Variants in VSTM2B observed in about 807,000 individuals in gnomAD.
VSTM2B encodes the protein V-set and transmembrane domain-containing protein 2B.
Under a neutral mutation model 24.0 loss-of-function variants are expected in VSTM2B, and 24 were observed. The ratio of observed to expected loss-of-function variants is 1.00; its 90% CI spans 0.72 to 1.40. The LOEUF is 1.40. Ranked by LOEUF, VSTM2B falls within the 40% of genes most tolerant of loss-of-function variation. The pLI is 0.00. For synonymous variants in VSTM2B, 226 were observed against 194.4 expected (o/e 1.16, Z -1.35); for missense variants, 399 against 416.4 (o/e 0.96, Z 0.36).
At chr19:29,535,307 A>T (rs1018535774) in intron 4 of VSTM2B, among the ~76,000 whole-genome samples, 4 of 152,236 alleles carry the variant, frequency 2.6e-5, no homozygotes, top group Non-Finnish European at 5.9e-5. Context: ...GCACCGCAGT[A>T]AAGTCTAGCG....
Position 29,533,949 on chromosome 19 carries a change from C to T in VSTM2B, c.769+3659C>T, listed in dbSNP as rs369800115. Among the ~76,000 whole-genome samples the T allele has an allele frequency of 3.0e-3, 455 of 152,312 alleles. 4 individuals carry two copies. Among genetic ancestry groups the T allele is most frequent in the African/African-American group, 0.01 (434 of 41,564 alleles). On this transcript the variant is annotated intron_variant, in intron 4 of 4. Transcript: ENST00000335523. ...CTCCCAGCCACTCAATTCTAGGCAGCTTGATGGGGAGGGGTCCAGAAAGGA... is the reference window on the plus strand; with the variant it reads ...CTCCCAGCCACTCAATTCTAGGCAGTTTGATGGGGAGGGGTCCAGAAAGGA...
rs985010156 is a variant in VSTM2B at position 29,529,908 on chromosome 19, G to C, written c.387G>C (p.Val129=). ...LQDEGVYECR[V]SDYSDDDTQE... is the part of the protein sequence containing the mutation. The stretch of plus-strand genomic sequence containing the variant: ...ACGAGGGCGTGTACGAGTGCCGCGT[G>C]TCGGACTACAGCGACGACGACACGC... The change falls in exon 4 of 5, where the codon GTG becomes GTC. Residue 129 remains valine (V), a synonymous_variant. Coordinates refer to ENST00000335523, the MANE Select transcript of VSTM2B (RefSeq NM_001146339.2). 20 of 1,550,256 alleles carry C rather than the reference G, an allele frequency of 1.3e-5. No homozygotes were observed. In the African/African-American group the frequency reaches 2.5e-4, roughly 19 times the overall value.
intron 4 of VSTM2B, among the ~76,000 whole-genome samples, chr19:29,548,487 G>A (rs1459682288): frequency 6.6e-6 from 1 of 152,178 alleles, no homozygotes. Context: ...CCCGAACTCC[G>A]TTAGTGTTCA....
At chr19:29,528,622 C>T (rs940290322) in intron 3 of VSTM2B, among the ~76,000 whole-genome samples, 160 bp downstream of exon 3, 4 of 152,246 alleles carry the variant, frequency 2.6e-5, no homozygotes, top group African/African-American at 9.6e-5. Context: ...CGTGTCCGGG[C>T]GCCATCTGTC....
At position 29,530,230 on chromosome 19, in the gene VSTM2B, GC is replaced by G. The variant is rs1217809829; in HGVS notation, c.711del (p.Ser238ArgfsTer36). On this transcript the variant is annotated frameshift_variant, in exon 4 of 5. Transcript: ENST00000335523. LOFTEE classifies it high-confidence loss of function. ...PTTTVAAAAA[A>X]SSASPPSGQA... ...CACCACAGTCGCGGCAGCTGCTGCT[GC>G]CTCGTCAGCGTCGCCGCCATCGGGA... 1.3e-6 allele frequency: 2 copies of G among 1,503,750 alleles called. No homozygotes were observed. Among genetic ancestry groups the G allele is most frequent in the Non-Finnish European group, 1.8e-6 (2 of 1,133,352 alleles). The allele number at this position is 1,503,750 out of a possible 1,614,324, so 93.2% of individuals were successfully genotyped here.
chr19:29,558,451 G>A (rs1004193259), intron 4 of VSTM2B, among the ~76,000 whole-genome samples: 2 of 152,110 alleles, frequency 1.3e-5, no homozygotes, highest in African/African-American at 2.4e-5. Flanking sequence ...CAAAGACATG[G>A]AATCAACCCA....
At position 29,530,312 on chromosome 19, in the gene VSTM2B, G is replaced by A. The variant is rs541907732; in HGVS notation, c.769+22G>A. On this transcript the variant is annotated intron_variant, in intron 4 of 4. Coordinates refer to ENST00000335523, the MANE Select transcript of VSTM2B (RefSeq NM_001146339.2). ...TCGGGTAAGGGATCGCGGAGAGGGGGCGCACGCGCGGGGATGGCGCAGGGC... is the reference window on the plus strand; with the variant it reads ...TCGGGTAAGGGATCGCGGAGAGGGGACGCACGCGCGGGGATGGCGCAGGGC... 816 of 1,478,968 alleles carry A rather than the reference G, an allele frequency of 5.5e-4. 2 individuals carry two copies. Among genetic ancestry groups the A allele is most frequent in the Middle Eastern group, 5.4e-3 (23 of 4,288 alleles). 91.6% of individuals were successfully genotyped at this position (1,478,968 alleles called of 1,614,324 possible). A position where few individuals can be genotyped will look rare whatever the true frequency, so the allele number is the denominator to read the frequency against.
In VSTM2B at chr19:29,526,857, G is replaced by A; in HGVS notation, c.82+192G>A. ...GCCGCAGCAGCAGCGCCGCGCCCGA[G>A]TCGTTCCCAGTCCCGCCGGGGCCCC... On this transcript the variant is annotated intron_variant, in intron 1 of 4. Transcript: ENST00000335523. The surrounding 1 kb of genome is among the most constrained non-coding windows in gnomAD (Gnocchi z 4.1). 3 of 524,956 alleles carry A rather than the reference G, an allele frequency of 5.7e-6. No individual in the cohort carries two copies. Among genetic ancestry groups the A allele is most frequent in the Admixed American group, 3.8e-5 (1 of 26,646 alleles). The allele number at this position is 524,956 out of a possible 1,614,324, so 32.5% of individuals were successfully genotyped here. A position where few individuals can be genotyped will look rare whatever the true frequency, so the allele number is the denominator to read the frequency against.
intron 4 of VSTM2B, among the ~76,000 whole-genome samples, chr19:29,535,617 G>A (rs1193155058): frequency 2.0e-5 from 3 of 152,220 alleles, no homozygotes; most frequent in Non-Finnish European, 4.4e-5. Context: ...CGTCAAAGGG[G>A]AGCATCCGCG....
At chr19:29,540,298 G>A (rs1969993086) in intron 4 of VSTM2B, among the ~76,000 whole-genome samples, 1 of 152,244 alleles carries the variant, frequency 6.6e-6, no homozygotes, top group South Asian at 2.1e-4. Context: ...TCTAGTTATG[G>A]TGGCCATGCA....
At chr19:29,536,168 C>T (rs1026133280) in intron 4 of VSTM2B, among the ~76,000 whole-genome samples, 8 of 152,202 alleles carry the variant, frequency 5.3e-5, no homozygotes, top group African/African-American at 1.4e-4. Flanking sequence ...CCCAGCCCCA[C>T]GCTTGCCATA....
chr19:29,550,157 G>A (rs368606475), intron 4 of VSTM2B, among the ~76,000 whole-genome samples: 24 of 152,270 alleles, frequency 1.6e-4, no homozygotes, highest in African/African-American at 4.8e-4. Context: ...TTATAAGCCA[G>A]GAGTGGTGGT....
At chr19:29,561,684 G>A (rs1471331685) in intron 4 of VSTM2B, among the ~76,000 whole-genome samples, 2 of 152,180 alleles carry the variant, frequency 1.3e-5, no homozygotes, top group East Asian at 3.9e-4. Context: ...GGACCAGTCT[G>A]GCTGTGGGTG....
chr19:29,538,485 A>G (rs1240829899), intron 4 of VSTM2B, among the ~76,000 whole-genome samples: 1 of 152,208 alleles, frequency 6.6e-6, no homozygotes, highest in Admixed American at 6.5e-5. Flanking sequence ...GACTTCCTTC[A>G]TGAGACCGCC....
Position 29,529,918 on chromosome 19 carries a change from A to G in VSTM2B, c.397A>G (p.Ser133Gly). 1 of 1,550,240 alleles carries G rather than the reference A, an allele frequency of 6.5e-7. No homozygotes were observed. Among genetic ancestry groups the G allele is most frequent in the Non-Finnish European group, 8.7e-7 (1 of 1,146,860 alleles). Residue 133 changes from serine to glycine, a missense_variant, in exon 4 of 5, where the codon AGC becomes GGC. Ser to Gly is a moderately conservative substitution (Grantham distance 56). Transcript: ENST00000335523. ...GTACGAGTGCCGCGTGTCGGACTACAGCGACGACGACACGCAGGAGCACAA... is the reference window on the plus strand; with the variant it reads ...GTACGAGTGCCGCGTGTCGGACTACGGCGACGACGACACGCAGGAGCACAA... ...GVYECRVSDY[S>G]DDDTQEHKAQ... is the part of the protein sequence containing the mutation.
chr19:29,548,592 G>A (rs559395932), intron 4 of VSTM2B, among the ~76,000 whole-genome samples: 2 of 152,224 alleles, frequency 1.3e-5, no homozygotes, highest in Non-Finnish European at 2.9e-5. Context: ...AGGTGGCAGA[G>A]GTTCTCACCC....
chr19:29,526,814 G>A lies in VSTM2B; in HGVS notation c.82+149G>A. 1 of 691,412 alleles carries A rather than the reference G, an allele frequency of 1.4e-6. No individual in the cohort carries two copies. Among genetic ancestry groups the A allele is most frequent in the Non-Finnish European group, 2.2e-6 (1 of 450,842 alleles). The allele number at this position is 691,412 out of a possible 1,614,324, so 42.8% of individuals were successfully genotyped here. ...GCCTGGGCCCGGAGGGGTAGGGAGAGGCGAGCGGCGAAGGGTCGCCGCAGC... is the reference window on the plus strand; with the variant it reads ...GCCTGGGCCCGGAGGGGTAGGGAGAAGCGAGCGGCGAAGGGTCGCCGCAGC... On this transcript the variant is annotated intron_variant, in intron 1 of 4. Transcript: ENST00000335523. This position sits in a 1 kb window ranked among gnomAD's most constrained non-coding sequence, Gnocchi z 4.1.
At chr19:29,562,819 G>A (rs984279864) in intron 4 of VSTM2B, among the ~76,000 whole-genome samples, 6 of 152,160 alleles carry the variant, frequency 3.9e-5, no homozygotes, top group Admixed American at 3.9e-4. Context: ...AGCCAGGCGG[G>A]GGACCAAGGC....
At chr19:29,534,799 C>T (rs185786281) in intron 4 of VSTM2B, among the ~76,000 whole-genome samples, 125 of 152,004 alleles carry the variant, frequency 8.2e-4, no homozygotes, top group Non-Finnish European at 1.4e-3. Context: ...ACAGCAGGGG[C>T]GGTCCCAGTA....
Sources: allele counts gnomAD v4.1 joint callset (sites outside exome capture counted in the v4.1 genomes callset), GRCh38; gene constraint gnomAD v4.1.1; non-coding constraint Gnocchi (gnomAD v3.1); transcripts MANE v1.5; gene names NCBI Gene and HGNC (gene_info 2026-07-23, HGNC 2026-07-21).